WDR27: variants seen among roughly 807,000 people sequenced by gnomAD.
WDR27 encodes the protein WD repeat domain 27, also known as WD repeat-containing protein 27.
A neutral mutation model predicts 114.4 loss-of-function variants in WDR27; 100 were observed. The ratio of observed to expected loss-of-function variants is 0.87; its 90% CI spans 0.74 to 1.03. WDR27 has a LOEUF of 1.03. WDR27 is among the 50% of genes least tolerant of loss of function. The pLI is 0.00. For synonymous variants in WDR27, 449 were observed against 423.1 expected, an observed-to-expected ratio of 1.06 and a Z score of -0.75; for missense variants, 1,129 against 1,092.9, an observed-to-expected ratio of 1.03 and a Z score of -0.47.
At chr6:169,593,208 T>A (rs1806097763) in intron 23 of WDR27, among the ~76,000 whole-genome samples, 1 of 152,230 alleles carries the variant, frequency 6.6e-6, no homozygotes, top group African/African-American at 2.4e-5. Context: ...TTGGGACTAT[T>A]TGATGTTTAA....
intron 25 of WDR27, among the ~76,000 whole-genome samples, chr6:169,485,598 G>A (rs1265493992): frequency 6.6e-6 from 1 of 152,146 alleles, no homozygotes; most frequent in African/African-American, 2.4e-5. Context: ...AAATCAGTGT[G>A]GTGATTGCTC....
Position 169,576,812 on chromosome 6 carries a change from A to G in WDR27, c.2524-4272T>C, listed in dbSNP as rs373636865. Among the ~76,000 whole-genome samples the G allele has an allele frequency of 2.0e-4, 30 of 152,038 alleles. No individual in the cohort carries two copies. The East Asian group carries it at 2.7e-3, about 14-fold the overall frequency. Reference sequence around the variant, plus strand: ...AAGAAAAAAAAGGAAAAGGAAAAGGAAAGAAATTATTTTTCAAGACTGGAA... The same window carrying G: ...AAGAAAAAAAAGGAAAAGGAAAAGGGAAGAAATTATTTTTCAAGACTGGAA... On this transcript the variant is annotated intron_variant, in intron 24 of 25. Transcript: ENST00000448612.
chr6:169,549,711 A>G (rs550397386), intron 25 of WDR27, among the ~76,000 whole-genome samples: 1 of 152,370 alleles, frequency 6.6e-6, no homozygotes, highest in East Asian at 1.9e-4. Context: ...GTGAGCAAGC[A>G]AGCCATGAAA....
intron 1 of WDR27, among the ~76,000 whole-genome samples, chr6:169,700,781 A>G (rs911430533): frequency 3.9e-5 from 6 of 152,244 alleles, no homozygotes; most frequent in Non-Finnish European, 8.8e-5. Context: ...CAAAAGCAAT[A>G]CAATACAAAA....
intron 2 of WDR27, among the ~76,000 whole-genome samples, chr6:169,686,671 C>T (rs1454876533): frequency 2.0e-5 from 3 of 152,012 alleles, no homozygotes; most frequent in Non-Finnish European, 2.9e-5. Context: ...ACAAGCAATA[C>T]ATTATATAAT....
intron 25 of WDR27, among the ~76,000 whole-genome samples, chr6:169,532,092 A>G (rs1562541630): frequency 6.6e-6 from 1 of 152,240 alleles, no homozygotes; most frequent in Non-Finnish European, 1.5e-5. Flanking sequence ...AACAAATTAT[A>G]TACTTATCAT....
chr6:169,479,498 A>C (rs1298387490), intron 25 of WDR27, among the ~76,000 whole-genome samples: 2 of 152,254 alleles, frequency 1.3e-5, no homozygotes, highest in Non-Finnish European at 2.9e-5. Flanking sequence ...TATGCACTCC[A>C]GACAGGAGCA....
At chr6:169,563,803 C>T (rs543282895) in intron 25 of WDR27, among the ~76,000 whole-genome samples, 5 of 152,138 alleles carry the variant, frequency 3.3e-5, no homozygotes, top group Admixed American at 2.0e-4. Context: ...AAGGGGGACA[C>T]GGGTGGGTGG....
Position 169,638,657 on chromosome 6 carries a change from T to C in WDR27, c.1751A>G (p.His584Arg). The C allele has an allele frequency of 6.2e-7, 1 of 1,602,052 alleles. No homozygotes were observed. Among genetic ancestry groups the C allele is most frequent in the South Asian group, 1.1e-5 (1 of 88,912 alleles). The part of the protein sequence containing the change: ...LTGTPAVFSG[H>R]DGAVNAVCWS... ...GCACACGGCATTCACTGCCCCGTCG[T>C]GACCTAACAGGAATGACCACAGAAG... is the stretch of plus-strand genomic sequence containing the variant. The change falls in exon 18 of 26, where the codon CAC (histidine) becomes CGC (arginine). Residue 584 changes from histidine to arginine, a missense_variant. Transcript: ENST00000448612.
At chr6:169,606,116 T>C (rs1043412437) in intron 22 of WDR27, among the ~76,000 whole-genome samples, 1 of 152,024 alleles carries the variant, frequency 6.6e-6, no homozygotes, top group Non-Finnish European at 1.5e-5. Context: ...TATGACTTAA[T>C]TAAACAAAAA....
chr6:169,445,548 G>T, the WDR27 span, among the ~76,000 whole-genome samples: 1 of 152,188 alleles, frequency 6.6e-6, no homozygotes, highest in Middle Eastern at 3.2e-3. Flanking sequence ...GATAGTGGCC[G>T]TCACCCAGCA....
At chr6:169,481,885 T>C (rs1788193509) in intron 25 of WDR27, among the ~76,000 whole-genome samples, 1 of 152,216 alleles carries the variant, frequency 6.6e-6, no homozygotes, top group Non-Finnish European at 1.5e-5. Context: ...TAACACTCAC[T>C]GTGAGGGTCC....
intron 25 of WDR27, among the ~76,000 whole-genome samples, chr6:169,539,029 G>A (rs573043075): frequency 6.6e-6 from 1 of 152,310 alleles, no homozygotes; most frequent in East Asian, 1.9e-4. Context: ...ATTAGAATGA[G>A]TTGACATTCT....
chr6:169,544,524 C>T (rs1250693896), intron 25 of WDR27, among the ~76,000 whole-genome samples: 1 of 151,812 alleles, frequency 6.6e-6, no homozygotes, highest in Non-Finnish European at 1.5e-5. Context: ...CTGCAACCTC[C>T]ACCTCCCAGG....
intron 23 of WDR27, among the ~76,000 whole-genome samples, chr6:169,586,479 G>C (rs1804588129): frequency 6.6e-6 from 1 of 152,028 alleles, no homozygotes; most frequent in South Asian, 2.1e-4. Flanking sequence ...CAGATGTTTG[G>C]GGGCAAGACC....
At chr6:169,685,942 A>G (rs779222177) in intron 2 of WDR27, among the ~76,000 whole-genome samples, 1 of 152,234 alleles carries the variant, frequency 6.6e-6, no homozygotes, top group Non-Finnish European at 1.5e-5. Flanking sequence ...AGAAAAAATT[A>G]AAGCAGCAAA....
At chr6:169,602,042 A>C (rs1243565117) in intron 23 of WDR27, among the ~76,000 whole-genome samples, 177 bp downstream of exon 23, 1 of 152,254 alleles carries the variant, frequency 6.6e-6, no homozygotes, top group East Asian at 1.9e-4. Flanking sequence ...CTTCAGTAAA[A>C]ACATCTTTCA....
chr6:169,586,555 A>C lies in WDR27; in HGVS notation c.2425-3621T>G, dbSNP rs148533987. ...GGCCAGGGGCATTGTCCAATATCAA[A>C]AGAACTTTAAAAGGCAGTCATGGCC... On this transcript the variant is annotated intron_variant, in intron 23 of 25. Coordinates refer to ENST00000448612, the MANE Select transcript of WDR27 (RefSeq NM_182552.5). 9.2e-3 allele frequency among the ~76,000 whole-genome samples: 1,393 copies of C among 152,200 alleles called. 33 individuals are homozygous for C. Among genetic ancestry groups the C allele is most frequent in the African/African-American group, 0.033 (1,352 of 41,524 alleles).
At chr6:169,430,187 G>T in the WDR27 span, among the ~76,000 whole-genome samples, 1 of 152,228 alleles carries the variant, frequency 6.6e-6, no homozygotes, top group South Asian at 2.1e-4. Flanking sequence ...ACACCAGGTT[G>T]CAAGGGAAAC....
Sources: allele counts gnomAD v4.1 joint callset (sites outside exome capture counted in the v4.1 genomes callset), GRCh38; gene constraint gnomAD v4.1.1; transcripts MANE v1.5; gene names NCBI Gene and HGNC (gene_info 2026-07-23, HGNC 2026-07-21).